Variants in TAFA1 observed in about 807,000 individuals in gnomAD.
TAFA1 encodes the protein chemokine-like protein TAFA-1.
A neutral mutation model predicts 18.5 loss-of-function variants in TAFA1; 4 were observed. The observed-to-expected ratio is 0.22, with a 90% CI of 0.11 to 0.49. The LOEUF (loss-of-function observed/expected upper bound fraction) is 0.49, where lower values mean the gene tolerates loss of function less well. Ranked by LOEUF, TAFA1 falls within the 20% of genes least tolerant of loss-of-function variation. The pLI is 0.98. For missense variants in TAFA1, 147 were observed against 169.0 expected (o/e 0.87, Z 0.72); for synonymous variants, 56 against 55.2 (o/e 1.01, Z -0.06).
At chr3:68,474,053 C>G (rs540408425) in intron 3 of TAFA1, among the ~76,000 whole-genome samples, 4 of 146,702 alleles carry the variant, frequency 2.7e-5, no homozygotes, top group Admixed American at 2.0e-4. Flanking sequence ...TGTATCACCC[C>G]CCCCCCCAAG....
chr3:68,488,941 G>A (rs1361186451), intron 3 of TAFA1, among the ~76,000 whole-genome samples: 2 of 152,086 alleles, frequency 1.3e-5, no homozygotes, highest in African/African-American at 4.8e-5. Context: ...CAACAGAACC[G>A]ACATTTATTA....
intron 2 of TAFA1, among the ~76,000 whole-genome samples, chr3:68,013,981 C>G (rs1704523345): frequency 6.6e-6 from 1 of 152,276 alleles, no homozygotes; most frequent in Non-Finnish European, 1.5e-5. Context: ...CTCTCACATC[C>G]TTAGGTGTGG....
intron 2 of TAFA1, among the ~76,000 whole-genome samples, chr3:68,028,705 T>C (rs1468105033): frequency 6.6e-6 from 1 of 152,068 alleles, no homozygotes; most frequent in Non-Finnish European, 1.5e-5. Context: ...TACCTGTTCA[T>C]CTTCTGTCTG....
At chr3:68,029,480 G>C (rs1379339991) in intron 2 of TAFA1, among the ~76,000 whole-genome samples, 2 of 152,064 alleles carry the variant, frequency 1.3e-5, no homozygotes, top group African/African-American at 4.8e-5. Context: ...ATTTAAAACT[G>C]TTCCAGTAAG....
intron 2 of TAFA1, among the ~76,000 whole-genome samples, chr3:68,354,078 T>G (rs2069319406): frequency 6.6e-6 from 1 of 151,996 alleles, no homozygotes; most frequent in African/African-American, 2.4e-5. Context: ...TATAGGGGTT[T>G]TCGTTCATTT....
At chr3:68,062,364 T>G (rs1301275932) in intron 2 of TAFA1, among the ~76,000 whole-genome samples, 2 of 152,166 alleles carry the variant, frequency 1.3e-5, no homozygotes, top group Admixed American at 6.5e-5. Context: ...CCTAGGCAAA[T>G]CTTTCAAAGA....
intron 2 of TAFA1, among the ~76,000 whole-genome samples, chr3:68,324,041 A>C (rs2068735942): frequency 6.6e-6 from 1 of 152,186 alleles, no homozygotes; most frequent in African/African-American, 2.4e-5. Flanking sequence ...AAGAGCCTCC[A>C]CCATCTCCAA....
At chr3:68,373,285 T>C (rs1192328264) in intron 2 of TAFA1, among the ~76,000 whole-genome samples, 1 of 152,190 alleles carries the variant, frequency 6.6e-6, no homozygotes, top group African/African-American at 2.4e-5. Context: ...TATTTTTTAA[T>C]TCTATAAGGG....
intron 2 of TAFA1, among the ~76,000 whole-genome samples, chr3:68,335,996 G>A (rs1402903933): frequency 1.3e-5 from 2 of 149,180 alleles, no homozygotes; most frequent in Non-Finnish European, 3.0e-5. Flanking sequence ...TTGGAAAAGT[G>A]GCAGGTTATT....
At chr3:68,353,499 T>C (rs2069308034) in intron 2 of TAFA1, among the ~76,000 whole-genome samples, 1 of 152,080 alleles carries the variant, frequency 6.6e-6, no homozygotes, top group Non-Finnish European at 1.5e-5. Flanking sequence ...TTTGATGCTT[T>C]AATGGACCGG....
At chr3:68,362,535 G>A (rs72626989) in intron 2 of TAFA1, among the ~76,000 whole-genome samples, 3,570 of 152,180 alleles carry the variant, frequency 0.023, 62 homozygotes, top group East Asian at 0.094. Flanking sequence ...CATATCTATT[G>A]GACACCTTCT....
intron 2 of TAFA1, among the ~76,000 whole-genome samples, chr3:68,348,019 T>A (rs2069195138): frequency 6.6e-6 from 1 of 152,142 alleles, no homozygotes. Flanking sequence ...TGCTGCCATT[T>A]ACTAACTCCC....
chr3:68,348,411 T>C (rs544456564), intron 2 of TAFA1, among the ~76,000 whole-genome samples: 1 of 152,262 alleles, frequency 6.6e-6, no homozygotes, highest in Admixed American at 6.5e-5. Context: ...AACCTTTTCT[T>C]CTACCATCAA....
chr3:68,033,471 C>T (rs1369325725), intron 2 of TAFA1, among the ~76,000 whole-genome samples: 1 of 152,148 alleles, frequency 6.6e-6, no homozygotes, highest in African/African-American at 2.4e-5. Context: ...AAGCATTTAG[C>T]TTCTGACATT....
intron 2 of TAFA1, among the ~76,000 whole-genome samples, chr3:68,298,252 G>C (rs1487224605): frequency 6.6e-6 from 1 of 152,140 alleles, no homozygotes; most frequent in Admixed American, 6.5e-5. Context: ...TTTCTTGCAG[G>C]AGTTTGAACT....
chr3:68,147,638 C>A (rs1384547690), intron 2 of TAFA1, among the ~76,000 whole-genome samples: 1 of 152,174 alleles, frequency 6.6e-6, no homozygotes, highest in East Asian at 1.9e-4. Flanking sequence ...CTGTGTCTAC[C>A]ACCGGCTCCA....
At chr3:68,419,305 T>A (rs1267970772) in intron 3 of TAFA1, among the ~76,000 whole-genome samples, 2 of 152,182 alleles carry the variant, frequency 1.3e-5, no homozygotes, top group African/African-American at 4.8e-5. Context: ...GGAAGCTGGT[T>A]ACCATAAGGA....
chr3:68,524,325 C>A (rs994180104), intron 3 of TAFA1, among the ~76,000 whole-genome samples: 1 of 152,026 alleles, frequency 6.6e-6, no homozygotes, highest in Non-Finnish European at 1.5e-5. Flanking sequence ...GCTTGCTAAC[C>A]TTTTATTGGA....
chr3:68,190,159 C>CT (rs1274203207), intron 2 of TAFA1, among the ~76,000 whole-genome samples: 1 of 151,866 alleles, frequency 6.6e-6, no homozygotes, highest in Non-Finnish European at 1.5e-5. Flanking sequence ...TTTTGTCATT[C>CT]TTTTTTTCCT....
Sources: allele counts gnomAD v4.1 joint callset (sites outside exome capture counted in the v4.1 genomes callset), GRCh38; gene constraint gnomAD v4.1.1; transcripts MANE v1.5; gene names NCBI Gene and HGNC (gene_info 2026-07-23, HGNC 2026-07-21).